The following BMP7 variants were observed in gnomAD, a reference collection of about 807,000 sequenced individuals.
BMP7 encodes the protein bone morphogenetic protein 7, also known as osteogenic protein 1.
Under a neutral mutation model 41.2 loss-of-function variants are expected in BMP7, and 12 were observed. That is an observed-to-expected ratio of 0.29 (90% confidence interval 0.19 to 0.47). The LOEUF is 0.47. Among genes scored for constraint, BMP7 ranks in the 20% least tolerant of loss-of-function variants. The probability of loss-of-function intolerance (pLI) is 0.99; values close to 1 mark genes in which losing one functional copy is unlikely to be tolerated. For synonymous variants in BMP7, 248 were observed against 250.0 expected (o/e 0.99, Z 0.07); for missense variants, 467 against 606.0 (o/e 0.77, Z 2.41).
intron 1 of BMP7, among the ~76,000 whole-genome samples, chr20:57,234,408 T>A (rs2066040217): frequency 6.6e-6 from 1 of 152,170 alleles, no homozygotes. Context: ...AGGACTGAGG[T>A]TGGAATTGAG....
In BMP7 at chr20:57,266,187, G is replaced by A. The variant is rs887558779; in HGVS notation, c.-65C>T. 1 of 1,384,520 alleles carries A rather than the reference G, an allele frequency of 7.2e-7. No homozygotes were observed. The highest frequency in any genetic ancestry group is 9.3e-7 in the Non-Finnish European group (1 of 1,076,262). The allele number at this position is 1,384,520 out of a possible 1,614,324, so 85.8% of individuals were successfully genotyped here. The stretch of plus-strand genomic sequence containing the variant: ...GCCCGCACCGCCCCAGGTGGCAGAG[G>A]GGGCAGGCGGCCGTCCGCGCCGCTC... On this transcript the variant is annotated 5_prime_UTR_variant, in exon 1 of 7. Transcript: ENST00000395863.
intron 3 of BMP7, among the ~76,000 whole-genome samples, chr20:57,191,808 A>G (rs1226999819): frequency 1.4e-5 from 2 of 143,046 alleles, no homozygotes; most frequent in Admixed American, 7.2e-5. Flanking sequence ...ATATTATAGT[A>G]TATATATGTT....
intron 2 of BMP7, among the ~76,000 whole-genome samples, chr20:57,216,642 T>G (rs2123105894): frequency 6.6e-6 from 1 of 151,148 alleles, no homozygotes; most frequent in African/African-American, 2.4e-5. Context: ...GTGAGGGGGC[T>G]GGGGAATTCT....
chr20:57,265,592 A>G, intron 1 of BMP7, 113 bp downstream of exon 1: 1 of 1,487,310 alleles, frequency 6.7e-7, no homozygotes, highest in Non-Finnish European at 9.1e-7. Flanking sequence ...AGGCACTGCG[A>G]TTTCAGCCAG....
intron 2 of BMP7, among the ~76,000 whole-genome samples, chr20:57,203,720 G>C (rs1410987006): frequency 6.6e-6 from 1 of 152,182 alleles, no homozygotes; most frequent in Admixed American, 6.5e-5. Flanking sequence ...TAGTCAACTA[G>C]AATATTTATA....
intron 2 of BMP7, among the ~76,000 whole-genome samples, chr20:57,220,655 A>C (rs573498346): frequency 6.6e-6 from 1 of 152,232 alleles, no homozygotes; most frequent in Admixed American, 6.5e-5. Context: ...TGTCTCCCCT[A>C]TTTGCAAACA....
intron 3 of BMP7, among the ~76,000 whole-genome samples, chr20:57,197,399 C>T (rs1054376394): frequency 9.9e-5 from 15 of 152,140 alleles, no homozygotes; most frequent in Admixed American, 7.9e-4. Flanking sequence ...GTCTCTACCT[C>T]CGGATGGCCA....
In BMP7 at chr20:57,235,011, C is replaced by A. The variant is rs566723198; in HGVS notation, c.419-6590G>T. ...CATTTATTACCAGCTCCGAAGTCGT[C>A]CCGACAGGGGTCCCTCCCAAACACC... is the stretch of plus-strand genomic sequence containing the variant. On this transcript the variant is annotated intron_variant, in intron 1 of 6. Coordinates refer to ENST00000395863, the MANE Select transcript of BMP7 (RefSeq NM_001719.3). 7.9e-5 allele frequency among the ~76,000 whole-genome samples: 12 copies of A among 152,372 alleles called. No individual in the cohort carries two copies. The East Asian group carries it at 2.3e-3, about 29-fold the overall frequency.
Position 57,228,572 on chromosome 20 carries a change from C to T in BMP7, c.419-151G>A. ...GTGACAACTGCTCCTTCCTCACCAA[C>T]ACACTGTAGACTGGAGGGTCACAGG... On this transcript the variant is annotated intron_variant, in intron 1 of 6. Transcript: ENST00000395863. This position sits in a 1 kb window ranked among gnomAD's most constrained non-coding sequence, Gnocchi z 4.5. 1 of 913,530 alleles carries T rather than the reference C, an allele frequency of 1.1e-6. No individual in the cohort carries two copies. The allele number at this position is 913,530 out of a possible 1,614,324, so 56.6% of individuals were successfully genotyped here.
Position 57,169,515 on chromosome 20 carries a change from G to T in BMP7, c.*1444C>A, listed in dbSNP as rs1017034817. On this transcript the variant is annotated 3_prime_UTR_variant, in exon 7 of 7. Transcript: ENST00000395863. ...CCTCAACAAGGCTTCTATTTGCAAT[G>T]TAAGTCCAGCACATCCTGCACCCAT... 6.6e-6 allele frequency: 1 copy of T among 152,226 alleles called. No homozygotes were observed. The highest frequency in any genetic ancestry group is 2.1e-4 in the South Asian group (1 of 4,824). 9.4% of individuals were successfully genotyped at this position (152,226 alleles called of 1,614,324 possible). A position where few individuals can be genotyped will look rare whatever the true frequency, so the allele number is the denominator to read the frequency against.
At chr20:57,191,763 T>C (rs986636915) in intron 3 of BMP7, among the ~76,000 whole-genome samples, 1 of 143,304 alleles carries the variant, frequency 7.0e-6, no homozygotes, top group African/African-American at 2.6e-5. Flanking sequence ...CTATAATATA[T>C]AATATATATA....
At chr20:57,195,593 G>C (rs897613236) in intron 3 of BMP7, among the ~76,000 whole-genome samples, 1 of 152,264 alleles carries the variant, frequency 6.6e-6, no homozygotes, top group Non-Finnish European at 1.5e-5. Context: ...GGAGCCAGCT[G>C]CGCCGTGGGC....
intron 1 of BMP7, among the ~76,000 whole-genome samples, chr20:57,250,216 A>T (rs2066106450): frequency 6.6e-6 from 1 of 151,792 alleles, no homozygotes; most frequent in Non-Finnish European, 1.5e-5. Flanking sequence ...GGACTGCTTG[A>T]GCCCAGGAGT....
intron 1 of BMP7, among the ~76,000 whole-genome samples, chr20:57,252,159 AT>A (rs2066116341): frequency 6.6e-6 from 1 of 152,248 alleles, no homozygotes; most frequent in African/African-American, 2.4e-5. Flanking sequence ...ATGTGTTCCA[AT>A]AAAACTTTAT....
chr20:57,202,715 G>A, intron 2 of BMP7, 92 bp from the exon 3 acceptor site: 1 of 717,194 alleles, frequency 1.4e-6, no homozygotes, highest in Non-Finnish European at 2.2e-6. Flanking sequence ...CATGGGGTGG[G>A]AGGGGAGGGA....
intron 6 of BMP7, among the ~76,000 whole-genome samples, chr20:57,172,309 AG>A (rs909527629): frequency 1.3e-5 from 2 of 152,218 alleles, no homozygotes; most frequent in African/African-American, 4.8e-5. Flanking sequence ...GAGGGGAGCA[AG>A]GGCTTTGGAA....
chr20:57,241,340 C>T (rs2066068692), intron 1 of BMP7, among the ~76,000 whole-genome samples: 1 of 152,232 alleles, frequency 6.6e-6, no homozygotes, highest in Non-Finnish European at 1.5e-5. Context: ...TCCGACTCAG[C>T]TCCCTCTCAG....
Position 57,170,177 on chromosome 20 carries a change from A to C in BMP7, c.*782T>G, listed in dbSNP as rs1378073170. 3 of 153,032 alleles carry C rather than the reference A, an allele frequency of 2.0e-5. No individual in the cohort carries two copies. Among genetic ancestry groups the C allele is most frequent in the Non-Finnish European group, 2.9e-5 (2 of 68,716 alleles). The allele number at this position is 153,032 out of a possible 1,614,324, so 9.5% of individuals were successfully genotyped here. On this transcript the variant is annotated 3_prime_UTR_variant, in exon 7 of 7. Coordinates refer to ENST00000395863, the MANE Select transcript of BMP7 (RefSeq NM_001719.3). ...GGGCGAGGTGAAAAGCCAATCCCAA[A>C]TGTCTGCGGGTATTTCACACACCTA...
At chr20:57,205,175 T>A (rs1984703364) in intron 2 of BMP7, among the ~76,000 whole-genome samples, 1 of 149,410 alleles carries the variant, frequency 6.7e-6, no homozygotes, top group Admixed American at 6.6e-5. Context: ...TTAAAGATTG[T>A]AAAGGACTCA....
Sources: allele counts gnomAD v4.1 joint callset (sites outside exome capture counted in the v4.1 genomes callset), GRCh38; gene constraint gnomAD v4.1.1; non-coding constraint Gnocchi (gnomAD v3.1); transcripts MANE v1.5; gene names NCBI Gene and HGNC (gene_info 2026-07-23, HGNC 2026-07-21).